FAM13C: variants seen among roughly 807,000 people sequenced by gnomAD.
The protein encoded by FAM13C is family with sequence similarity 13 member C.
In FAM13C, 37 loss-of-function variants were observed where a neutral mutation model predicts 73.2. The ratio of observed to expected loss-of-function variants is 0.51; its 90% CI spans 0.39 to 0.67. The LOEUF is 0.67. FAM13C is among the 30% of genes least tolerant of loss of function. FAM13C has a pLI of 0.00. For synonymous variants in FAM13C, 246 were observed against 260.9 expected (o/e 0.94, Z 0.55); for missense variants, 589 against 715.6 (o/e 0.82, Z 2.02).
intron 7 of FAM13C, 69 bp from the exon 8 acceptor site, chr10:59,268,760 A>G: frequency 1.3e-6 from 2 of 1,540,840 alleles, no homozygotes; most frequent in South Asian, 1.2e-5. Context: ...CTGTTGATCT[A>G]CAAACCAAAA....
intron 6 of FAM13C, among the ~76,000 whole-genome samples, chr10:59,271,652 C>T (rs1434968881): frequency 1.3e-5 from 2 of 152,206 alleles, no homozygotes; most frequent in African/African-American, 4.8e-5. Flanking sequence ...AAAGAGCCCT[C>T]AGGAGTAACA....
intron 5 of FAM13C, among the ~76,000 whole-genome samples, chr10:59,301,742 C>G (rs1847627939): frequency 6.6e-6 from 1 of 152,172 alleles, no homozygotes. Flanking sequence ...TTTTCACTCA[C>G]TACTATGAGG....
At chr10:59,362,652 G>C (rs987096149), upstream of FAM13C, 7 of 1,328,770 alleles carry the variant, frequency 5.3e-6, no homozygotes, top group Non-Finnish European at 6.9e-6. Flanking sequence ...CACAAAGCCC[G>C]GCAGCCCGCG....
chr10:59,262,373 G>C (rs1488708331), intron 10 of FAM13C, 61 bp downstream of exon 10: 1 of 1,411,350 alleles, frequency 7.1e-7, no homozygotes. Context: ...CAAATTGGAT[G>C]ATCTCATTAG....
chr10:59,255,186 C>T (rs7922307), intron 10 of FAM13C, among the ~76,000 whole-genome samples: 5,101 of 152,260 alleles, frequency 0.034, 287 homozygotes, highest in African/African-American at 0.12. Context: ...AGGTTACTGA[C>T]AGGCTGTGAT....
Position 59,362,421 on chromosome 10 carries a change from A to G in FAM13C, c.40T>C (p.Phe14Leu). Residue 14 changes from phenylalanine (F) to leucine (L), a missense_variant, in exon 1 of 14, where the codon TTC becomes CTC. By Grantham distance (22) the Phe-to-Leu change is conservative. Transcript: ENST00000618804. ...TACTCTGTTACAGTGGTGCTGCTGA[A>G]GGAATTATCCTGAAGGCTGAAACAG... ...CFCFSLQDNS[F>L]SSTTVTECDE... The G allele has an allele frequency of 6.2e-7, 1 of 1,614,070 alleles. No individual in the cohort carries two copies. The highest frequency in any genetic ancestry group is 8.5e-7 in the Non-Finnish European group (1 of 1,179,990).
chr10:59,299,340 G>A (rs1019120344), intron 5 of FAM13C, among the ~76,000 whole-genome samples: 5 of 149,400 alleles, frequency 3.3e-5, no homozygotes, highest in East Asian at 2.0e-4. Flanking sequence ...TTAGAAATGC[G>A]GAAGCAAGGT....
Position 59,247,406 on chromosome 10 carries a change from T to G in FAM13C, c.*208A>C. 1.8e-6 allele frequency: 1 copy of G among 555,648 alleles called. No individual in the cohort carries two copies. Among genetic ancestry groups the G allele is most frequent in the Non-Finnish European group, 3.1e-6 (1 of 324,202 alleles). 34.4% of individuals were successfully genotyped at this position (555,648 alleles called of 1,614,324 possible). A position where few individuals can be genotyped will look rare whatever the true frequency, so the allele number is the denominator to read the frequency against. On this transcript the variant is annotated 3_prime_UTR_variant, in exon 14 of 14. Transcript: ENST00000618804. ...TGGAGGACACTGAATTTTTTCCCAA[T>G]TATATGGCTACCTGTTGTATTCTTC...
intron 6 of FAM13C, among the ~76,000 whole-genome samples, chr10:59,278,873 G>C (rs947471185): frequency 1.3e-5 from 2 of 151,794 alleles, no homozygotes; most frequent in Non-Finnish European, 2.9e-5. Flanking sequence ...AATGAATTAA[G>C]TTTCTAAAAG....
chr10:59,315,422 G>A (rs1397429775), intron 4 of FAM13C, among the ~76,000 whole-genome samples: 2 of 152,060 alleles, frequency 1.3e-5, no homozygotes. Context: ...TTTAGATAAG[G>A]TATCTATCAT....
chr10:59,275,776 G>A (rs899076258), intron 6 of FAM13C, among the ~76,000 whole-genome samples: 1 of 152,084 alleles, frequency 6.6e-6, no homozygotes, highest in Non-Finnish European at 1.5e-5. Context: ...ATTCTCATTT[G>A]TAATCAGTTT....
intron 3 of FAM13C, among the ~76,000 whole-genome samples, chr10:59,327,407 C>A (rs1028172346): frequency 2.0e-5 from 3 of 152,222 alleles, no homozygotes; most frequent in Non-Finnish European, 2.9e-5. Flanking sequence ...AGAGATTTAG[C>A]CAGATGCATG....
intron 1 of FAM13C, among the ~76,000 whole-genome samples, chr10:59,356,497 C>T (rs1008367057): frequency 2.6e-5 from 4 of 152,148 alleles, no homozygotes; most frequent in African/African-American, 9.7e-5. Context: ...CCTAGGGGAA[C>T]CAGGAGTAGG....
chr10:59,251,492 G>C (rs779616092), intron 13 of FAM13C, 83 bp downstream of exon 13: 1 of 1,218,366 alleles, frequency 8.2e-7, no homozygotes, highest in South Asian at 1.2e-5. Context: ...AAAAGTCACC[G>C]TTCCTGCAAA....
chr10:59,350,250 T>C (rs1472567005), intron 3 of FAM13C, among the ~76,000 whole-genome samples: 2 of 152,188 alleles, frequency 1.3e-5, no homozygotes, highest in Admixed American at 6.5e-5. Flanking sequence ...ATTTCTCCCC[T>C]GAAATCTACC....
chr10:59,359,835 G>T (rs1404145740), intron 1 of FAM13C, among the ~76,000 whole-genome samples: 1 of 152,204 alleles, frequency 6.6e-6, no homozygotes, highest in African/African-American at 2.4e-5. Flanking sequence ...AGTTGATATT[G>T]ATGATCAGTT....
intron 13 of FAM13C, among the ~76,000 whole-genome samples, chr10:59,250,049 C>T (rs758566299): frequency 1.3e-4 from 20 of 152,048 alleles, no homozygotes; most frequent in Non-Finnish European, 2.5e-4. Flanking sequence ...AAAGAGTGTA[C>T]GCACATCTTA....
chr10:59,302,921 A>G, intron 4 of FAM13C, 57 bp from the exon 5 acceptor site: 1 of 1,516,482 alleles, frequency 6.6e-7, no homozygotes, highest in South Asian at 1.1e-5. Context: ...AGTGATGTAC[A>G]TGTGAAGCTG....
intron 5 of FAM13C, among the ~76,000 whole-genome samples, chr10:59,284,029 G>T (rs1238174266): frequency 6.9e-6 from 1 of 145,524 alleles, no homozygotes; most frequent in Admixed American, 6.7e-5. Context: ...GTATGCTGGG[G>T]TATGTGTGTG....
Sources: gnomAD v4.1 joint callset for allele counts (sites outside exome capture counted in the v4.1 genomes callset) on GRCh38, gnomAD v4.1.1 for gene constraint, MANE v1.5 for transcripts, NCBI Gene and HGNC (gene_info 2026-07-23, HGNC 2026-07-21) for gene names.